UBE3A: variants seen among roughly 807,000 people sequenced by gnomAD.
UBE3A encodes ubiquitin-protein ligase E3A.
A neutral mutation model predicts 83.4 loss-of-function variants in UBE3A; 6 were observed. The observed-to-expected ratio is 0.07, with a 90% CI of 0.04 to 0.14. UBE3A has a LOEUF of 0.14. Among genes scored for constraint, UBE3A ranks in the 10% least tolerant of loss-of-function variants. The pLI, the probability that UBE3A is intolerant of heterozygous loss-of-function variation, is 1.00. For synonymous variants in UBE3A, 337 were observed against 355.4 expected (o/e 0.95, Z 0.58); for missense variants, 456 against 1,036.1 (o/e 0.44, Z 7.69).
chr15:25,341,313 C>T (rs969901073), intron 11 of UBE3A, among the ~76,000 whole-genome samples: 3 of 151,720 alleles, frequency 2.0e-5, no homozygotes, highest in East Asian at 2.0e-4. Flanking sequence ...CCTCGTGATC[C>T]GCCCACCTTG....
At chr15:25,398,771 T>TTATTTATATATATATA (rs1393685515) in intron 4 of UBE3A, among the ~76,000 whole-genome samples, 5 of 68,938 alleles carry the variant, frequency 7.3e-5, no homozygotes, top group Non-Finnish European at 1.6e-4. Flanking sequence ...ATTCTTTTAT[T>TTATTTATATATATATA]TATATATATA....
At chr15:25,342,759 T>C (rs1447507701) in intron 11 of UBE3A, among the ~76,000 whole-genome samples, 1 of 152,026 alleles carries the variant, frequency 6.6e-6, no homozygotes, top group Non-Finnish European at 1.5e-5. Context: ...GAAGAGTGGC[T>C]TGTGCGGAAT....
chr15:25,372,169 T>C (rs2080404792), intron 5 of UBE3A, among the ~76,000 whole-genome samples: 1 of 152,188 alleles, frequency 6.6e-6, no homozygotes, highest in Non-Finnish European at 1.5e-5. Context: ...TTAATCATAA[T>C]ACAGCTCTTA....
chr15:25,419,800 T>C (rs1888825133), intron 1 of UBE3A, among the ~76,000 whole-genome samples: 1 of 152,028 alleles, frequency 6.6e-6, no homozygotes. Context: ...AATTCTTACA[T>C]TATACATTAA....
chr15:25,355,845 G>C (rs1217085848), intron 9 of UBE3A, 47 bp downstream of exon 9: 1 of 1,546,378 alleles, frequency 6.5e-7, no homozygotes, highest in East Asian at 2.3e-5. Flanking sequence ...TACATGCTTT[G>C]AAAGTGTTAA....
chr15:25,384,353 C>T (rs922239204), intron 4 of UBE3A, among the ~76,000 whole-genome samples: 8 of 149,892 alleles, frequency 5.3e-5, no homozygotes, highest in East Asian at 4.0e-4. Flanking sequence ...CCCAGCCACT[C>T]GGGAGGCTGA....
intron 4 of UBE3A, among the ~76,000 whole-genome samples, chr15:25,385,604 C>G (rs2082976086): frequency 6.6e-6 from 1 of 152,054 alleles, no homozygotes; most frequent in African/African-American, 2.4e-5. Flanking sequence ...AGTCACCACT[C>G]CATCCTAACA....
At chr15:25,367,707 T>A (rs905451925) in intron 6 of UBE3A, among the ~76,000 whole-genome samples, 1 of 152,146 alleles carries the variant, frequency 6.6e-6, no homozygotes, top group Non-Finnish European at 1.5e-5. Flanking sequence ...CAATCAGAGA[T>A]TAGTGAAAAT....
intron 4 of UBE3A, among the ~76,000 whole-genome samples, chr15:25,396,955 A>G (rs1386201177): frequency 6.6e-6 from 1 of 152,220 alleles, no homozygotes; most frequent in African/African-American, 2.4e-5. Context: ...ATCATGCTTC[A>G]ACAAATGTGG....
chr15:25,383,707 C>T (rs550045966), intron 4 of UBE3A, among the ~76,000 whole-genome samples: 1 of 151,970 alleles, frequency 6.6e-6, no homozygotes, highest in Non-Finnish European at 1.5e-5. Flanking sequence ...ATAATGAAGG[C>T]CATATATAGA....
At chr15:25,426,652 A>C (rs1891399925) in intron 1 of UBE3A, among the ~76,000 whole-genome samples, 1 of 152,178 alleles carries the variant, frequency 6.6e-6, no homozygotes, top group African/African-American at 2.4e-5. Flanking sequence ...CTTCTAATTT[A>C]ACTTCAAAAC....
chr15:25,386,828 A>C (rs1182156065), intron 4 of UBE3A, among the ~76,000 whole-genome samples: 1 of 152,058 alleles, frequency 6.6e-6, no homozygotes, highest in African/African-American at 2.4e-5. Context: ...TAAACCTAGC[A>C]CTCTACCTTG....
chr15:25,434,671 A>G (rs939725895), intron 1 of UBE3A, among the ~76,000 whole-genome samples: 23 of 152,230 alleles, frequency 1.5e-4, no homozygotes, highest in Admixed American at 1.1e-3. Flanking sequence ...CAAAGCAAGT[A>G]TAACTATTCA....
chr15:25,382,624 T>A (rs1267378187), intron 4 of UBE3A, among the ~76,000 whole-genome samples: 2 of 146,936 alleles, frequency 1.4e-5, no homozygotes, highest in Non-Finnish European at 3.0e-5. Flanking sequence ...TAGAGAAAAA[T>A]AGAAAATTTT....
At chr15:25,386,900 T>C (rs1013631544) in intron 4 of UBE3A, among the ~76,000 whole-genome samples, 2 of 152,170 alleles carry the variant, frequency 1.3e-5, no homozygotes, top group African/African-American at 4.8e-5. Flanking sequence ...AGGAAATTTG[T>C]TGTCAGTACA....
At position 25,438,834 on chromosome 15, in the gene UBE3A, G is replaced by A. The variant is rs1036685299; in HGVS notation, c.-510C>T. The A allele has an allele frequency of 1.3e-5, 2 of 152,926 alleles. No homozygotes were observed. The highest frequency in any genetic ancestry group is 3.9e-4 in the East Asian group (2 of 5,160). 9.5% of individuals were successfully genotyped at this position (152,926 alleles called of 1,614,324 possible). A position where few individuals can be genotyped will look rare whatever the true frequency, so the allele number is the denominator to read the frequency against. Reference sequence around the variant, plus strand: ...GGTCGGCAGAGGTGAAGCGTAAGTAGGCGGCGGATGGCGGGCGCCCGCGCT... The same window carrying A: ...GGTCGGCAGAGGTGAAGCGTAAGTAAGCGGCGGATGGCGGGCGCCCGCGCT... On this transcript the variant is annotated 5_prime_UTR_variant, in exon 1 of 13. Transcript: ENST00000648336.
intron 7 of UBE3A, among the ~76,000 whole-genome samples, chr15:25,358,564 A>C (rs536715152): frequency 6.6e-6 from 1 of 152,196 alleles, no homozygotes; most frequent in African/African-American, 2.4e-5. Context: ...TTAAGTCTGA[A>C]AAAAATCTGT....
intron 10 of UBE3A, 35 bp downstream of exon 10, chr15:25,354,493 G>A (rs373454932): frequency 7.9e-5 from 127 of 1,613,552 alleles, no homozygotes; most frequent in South Asian, 1.5e-4. Context: ...ACAATAAATC[G>A]ATACATGACT....
At chr15:25,406,708 A>G (rs1434178771) in intron 3 of UBE3A, among the ~76,000 whole-genome samples, 1 of 151,356 alleles carries the variant, frequency 6.6e-6, no homozygotes, top group Non-Finnish European at 1.5e-5. Flanking sequence ...ACACACACAC[A>G]CACACACGCA....
Sources: allele counts gnomAD v4.1 joint callset (sites outside exome capture counted in the v4.1 genomes callset), GRCh38; gene constraint gnomAD v4.1.1; transcripts MANE v1.5; gene names NCBI Gene and HGNC (gene_info 2026-07-23, HGNC 2026-07-21).